KCNU1: variants seen among roughly 807,000 people sequenced by gnomAD.
KCNU1 encodes potassium calcium-activated channel subfamily U member 1, also known as potassium channel subfamily U member 1.
A neutral mutation model predicts 126.8 loss-of-function variants in KCNU1; 93 were observed. The observed-to-expected ratio is 0.73, with a 90% CI of 0.62 to 0.87. The LOEUF is 0.87. KCNU1 is among the 40% of genes least tolerant of loss of function. KCNU1 has a pLI of 0.00. For missense variants in KCNU1, 1,330 were observed against 1,367.1 expected (o/e 0.97, Z 0.43); for synonymous variants, 523 against 494.2 (o/e 1.06, Z -0.77).
At chr8:36,800,455 T>G (rs1803262898) in intron 2 of KCNU1, among the ~76,000 whole-genome samples, 1 of 152,148 alleles carries the variant, frequency 6.6e-6, no homozygotes, top group South Asian at 2.1e-4. Flanking sequence ...TCTCCACTCT[T>G]TCAGTTAATT....
rs1804644475 is a variant in KCNU1 at position 36,833,694 on chromosome 8, C to T, written c.1212+35C>T. On this transcript the variant is annotated intron_variant, in intron 11 of 26. Coordinates refer to ENST00000399881, the MANE Select transcript of KCNU1 (RefSeq NM_001031836.3). Reference sequence around the variant, plus strand: ...AGCTGTTTTTGTTCCTTGTAGTTTTCCTTAGTTGCAACAATTAAAATAATA... The same window carrying T: ...AGCTGTTTTTGTTCCTTGTAGTTTTTCTTAGTTGCAACAATTAAAATAATA... The T allele has an allele frequency of 3.2e-6, 4 of 1,254,110 alleles. No homozygotes were observed. In the Admixed American group the frequency reaches 6.8e-5, roughly 21 times the overall value. The allele number at this position is 1,254,110 out of a possible 1,614,324, so 77.7% of individuals were successfully genotyped here. A position where few individuals can be genotyped will look rare whatever the true frequency, so the allele number is the denominator to read the frequency against.
At chr8:36,859,652 T>C (rs2117320807) in intron 18 of KCNU1, among the ~76,000 whole-genome samples, 1 of 152,296 alleles carries the variant, frequency 6.6e-6, no homozygotes, top group South Asian at 2.1e-4. Context: ...TTTTCCAAAC[T>C]AGAACCACAC....
chr8:36,794,797 C>T (rs1803032411), intron 2 of KCNU1, among the ~76,000 whole-genome samples: 1 of 152,106 alleles, frequency 6.6e-6, no homozygotes, highest in Non-Finnish European at 1.5e-5. Flanking sequence ...TGGTGACACA[C>T]ACCTGTGGTC....
chr8:36,812,128 C>A (rs892159068), intron 7 of KCNU1, among the ~76,000 whole-genome samples: 4 of 151,774 alleles, frequency 2.6e-5, no homozygotes, highest in African/African-American at 9.7e-5. Context: ...CCTGTAATCC[C>A]AGCACTTTGG....
At chr8:36,904,993 G>A (rs1807566600) in intron 19 of KCNU1, among the ~76,000 whole-genome samples, 1 of 152,046 alleles carries the variant, frequency 6.6e-6, no homozygotes, top group Admixed American at 6.6e-5. Flanking sequence ...ATTTGACAAG[G>A]GTTTTCTTAT....
intron 18 of KCNU1, among the ~76,000 whole-genome samples, chr8:36,854,500 T>C (rs1805463278): frequency 6.6e-6 from 1 of 150,546 alleles, no homozygotes; most frequent in Non-Finnish European, 1.5e-5. Flanking sequence ...TGCTCAAGTC[T>C]GATCTTTAGT....
Position 36,787,317 on chromosome 8 carries a change from A to G in KCNU1, c.207A>G (p.Thr69=), listed in dbSNP as rs576875297. 2 of 1,610,802 alleles carry G rather than the reference A, an allele frequency of 1.2e-6. No individual in the cohort carries two copies. Among genetic ancestry groups the G allele is most frequent in the Non-Finnish European group, 1.7e-6 (2 of 1,178,236 alleles). Residue 69 remains threonine, a synonymous_variant, in exon 2 of 27, where the codon ACA becomes ACG. Transcript: ENST00000399881. ...TCTCTTGATTGTAGGAACTGTTCAC[A>G]TCAGGTACCATCGCTAGGAGCCATG... ...KGTGIILELF[T]SGTIARSHVR...
At chr8:36,915,270 T>A (rs1236343377) in intron 22 of KCNU1, among the ~76,000 whole-genome samples, 1 of 152,208 alleles carries the variant, frequency 6.6e-6, no homozygotes, top group East Asian at 1.9e-4. Flanking sequence ...TTGTATATTG[T>A]AATAGGGCTA....
At chr8:36,891,447 G>A (rs2117446516) in intron 19 of KCNU1, among the ~76,000 whole-genome samples, 1 of 152,030 alleles carries the variant, frequency 6.6e-6, no homozygotes, top group East Asian at 1.9e-4. Flanking sequence ...AATACAAAAG[G>A]ATGGATGGAT....
chr8:36,793,841 G>A (rs889737607), intron 2 of KCNU1, among the ~76,000 whole-genome samples: 1 of 151,922 alleles, frequency 6.6e-6, no homozygotes, highest in Non-Finnish European at 1.5e-5. Context: ...GGATCATGAG[G>A]TCAGGAGTTT....
At chr8:36,884,309 C>T (rs912554657) in intron 19 of KCNU1, among the ~76,000 whole-genome samples, 1 of 152,140 alleles carries the variant, frequency 6.6e-6, no homozygotes, top group Non-Finnish European at 1.5e-5. Context: ...TTTAATTACC[C>T]ACAGTAATTC....
chr8:36,802,781 C>T (rs1260031108), intron 2 of KCNU1, among the ~76,000 whole-genome samples: 1 of 152,186 alleles, frequency 6.6e-6, no homozygotes, highest in African/African-American at 2.4e-5. Flanking sequence ...TATTTCACTT[C>T]TAACATATCA....
chr8:36,807,245 A>G (rs1445317731), intron 5 of KCNU1, 130 bp from the exon 6 acceptor site: 1 of 706,026 alleles, frequency 1.4e-6, no homozygotes, highest in Non-Finnish European at 2.5e-6. Context: ...TTAAGCCTAT[A>G]ACATGAGAAT....
intron 2 of KCNU1, among the ~76,000 whole-genome samples, chr8:36,791,720 T>C (rs573233942): frequency 6.6e-6 from 1 of 152,278 alleles, no homozygotes; most frequent in East Asian, 1.9e-4. Flanking sequence ...TATTTTGCTG[T>C]TTTTTGCTCA....
intron 24 of KCNU1, 114 bp from the exon 25 acceptor site, chr8:36,930,837 C>T (rs775688667): frequency 6.2e-5 from 40 of 648,478 alleles, no homozygotes; most frequent in Non-Finnish European, 8.9e-5. Flanking sequence ...CACTGTTCTA[C>T]ACCATCAGGT....
intron 22 of KCNU1, among the ~76,000 whole-genome samples, chr8:36,913,412 G>A (rs1276317147): frequency 6.6e-6 from 1 of 152,132 alleles, no homozygotes; most frequent in Admixed American, 6.5e-5. Context: ...GAATCATTAT[G>A]AGTATGAGTG....
chr8:36,887,619 A>G (rs1485568489), intron 19 of KCNU1, among the ~76,000 whole-genome samples: 5 of 152,054 alleles, frequency 3.3e-5, no homozygotes, highest in African/African-American at 1.2e-4. Context: ...AAAGTGCTGA[A>G]ATCAGTCTCT....
intron 10 of KCNU1, among the ~76,000 whole-genome samples, chr8:36,828,464 T>C (rs1447253803): frequency 6.6e-6 from 1 of 152,122 alleles, no homozygotes; most frequent in East Asian, 1.9e-4. Context: ...TATTCACATC[T>C]AAAATGTGCA....
intron 15 of KCNU1, 122 bp from the exon 16 acceptor site, chr8:36,840,810 C>A: frequency 1.3e-6 from 1 of 751,738 alleles, no homozygotes. Context: ...GGGATCATTC[C>A]ACATTGGGAG....
Sources: gnomAD v4.1 joint callset for allele counts (sites outside exome capture counted in the v4.1 genomes callset) on GRCh38, gnomAD v4.1.1 for gene constraint, MANE v1.5 for transcripts, NCBI Gene and HGNC (gene_info 2026-07-23, HGNC 2026-07-21) for gene names.